The following SGCD variants were observed in gnomAD, a reference collection of about 807,000 sequenced individuals.
The protein encoded by SGCD is sarcoglycan delta, also known as delta-sarcoglycan.
A neutral mutation model predicts 36.6 loss-of-function variants in SGCD; 18 were observed. The observed-to-expected ratio is 0.49, with a 90% confidence interval of 0.34 to 0.73. The LOEUF is 0.73. Among genes scored for constraint, SGCD ranks in the 30% least tolerant of loss-of-function variants. SGCD has a pLI of 0.01. For synonymous variants in SGCD, 133 were observed against 130.6 expected (o/e 1.02, Z -0.12); for missense variants, 387 against 346.7 (o/e 1.12, Z -0.92).
intron 7 of SGCD, among the ~76,000 whole-genome samples, chr5:156,670,562 C>T (rs1309735581): frequency 6.6e-6 from 1 of 152,126 alleles, no homozygotes; most frequent in East Asian, 1.9e-4. Context: ...TGTTTTATTC[C>T]ACTTATAACC....
chr5:156,182,780 T>A (rs1276285921), intron 3 of SGCD, among the ~76,000 whole-genome samples: 1 of 152,178 alleles, frequency 6.6e-6, no homozygotes, highest in Non-Finnish European at 1.5e-5. Flanking sequence ...CTCTTTCTTT[T>A]GATTCTGAGT....
chr5:156,320,433 T>A (rs1767627394), intron 3 of SGCD, among the ~76,000 whole-genome samples: 2 of 152,188 alleles, frequency 1.3e-5, no homozygotes, highest in Admixed American at 1.3e-4. Flanking sequence ...AGCTTACTTA[T>A]AAGAAGCTAT....
chr5:156,640,880 G>A (rs1219700046), intron 6 of SGCD, among the ~76,000 whole-genome samples: 3 of 152,212 alleles, frequency 2.0e-5, no homozygotes, highest in African/African-American at 4.8e-5. Flanking sequence ...GCAGCCTGGG[G>A]AGACACAATG....
At chr5:156,016,676 GT>G (rs1758987196) in intron 1 of SGCD, among the ~76,000 whole-genome samples, 1 of 152,042 alleles carries the variant, frequency 6.6e-6, no homozygotes, top group Non-Finnish European at 1.5e-5. Context: ...AATTTGCCGT[GT>G]TTACTTAAAT....
At chr5:156,405,758 C>T (rs973791679) in intron 3 of SGCD, among the ~76,000 whole-genome samples, 6 of 152,022 alleles carry the variant, frequency 3.9e-5, no homozygotes, top group Admixed American at 6.6e-5. Flanking sequence ...GAGTCCTGTG[C>T]GGTTTAGTTT....
chr5:155,906,238 G>A (rs775314377), intron 1 of SGCD, among the ~76,000 whole-genome samples: 6 of 152,086 alleles, frequency 3.9e-5, no homozygotes, highest in Non-Finnish European at 8.8e-5. Context: ...TGCTCCACCT[G>A]CAGGCCGTTT....
chr5:155,790,195 T>C, the SGCD span, among the ~76,000 whole-genome samples: 1 of 152,038 alleles, frequency 6.6e-6, no homozygotes, highest in Admixed American at 6.6e-5. Context: ...TTACCATAGG[T>C]CTTCTGTTGT....
At chr5:156,007,499 G>T (rs563659607) in intron 1 of SGCD, among the ~76,000 whole-genome samples, 1 of 152,264 alleles carries the variant, frequency 6.6e-6, no homozygotes, top group African/African-American at 2.4e-5. Flanking sequence ...ACAGAGCCTT[G>T]TTATTTGTTT....
chr5:156,680,398 C>T (rs1753675066), intron 7 of SGCD, among the ~76,000 whole-genome samples: 1 of 152,186 alleles, frequency 6.6e-6, no homozygotes, highest in African/African-American at 2.4e-5. Flanking sequence ...TAGAGTCAGA[C>T]AGTCCTTACC....
At chr5:156,357,320 A>T (rs1769543004) in intron 3 of SGCD, among the ~76,000 whole-genome samples, 1 of 152,198 alleles carries the variant, frequency 6.6e-6, no homozygotes, top group Non-Finnish European at 1.5e-5. Context: ...CTTTTTAGCT[A>T]GTGGGTAGCC....
intron 7 of SGCD, among the ~76,000 whole-genome samples, chr5:156,747,826 A>G (rs1374766029): frequency 6.6e-6 from 1 of 152,178 alleles, no homozygotes; most frequent in African/African-American, 2.4e-5. Flanking sequence ...ACCATCTTAG[A>G]TGCTGCCTCA....
At chr5:156,638,611 ATTGT>A (rs575068298) in intron 6 of SGCD, among the ~76,000 whole-genome samples, 6 of 152,186 alleles carry the variant, frequency 3.9e-5, no homozygotes, top group East Asian at 1.9e-4. Context: ...GTGAGTTGAA[ATTGT>A]TTGTTATACT....
At chr5:156,541,842 G>A (rs1419484167) in intron 4 of SGCD, among the ~76,000 whole-genome samples, 2 of 152,082 alleles carry the variant, frequency 1.3e-5, no homozygotes, top group African/African-American at 2.4e-5. Flanking sequence ...TCGTAGCATT[G>A]GCAAATACAG....
chr5:156,076,793 G>C (rs1033036587), intron 1 of SGCD, among the ~76,000 whole-genome samples: 29 of 152,166 alleles, frequency 1.9e-4, no homozygotes, highest in Admixed American at 9.8e-4. Flanking sequence ...AGAGAAAAGA[G>C]GCTGTGTTGT....
intron 1 of SGCD, among the ~76,000 whole-genome samples, chr5:156,074,346 A>T (rs73813228): frequency 6.6e-6 from 1 of 152,142 alleles, no homozygotes. Context: ...TCCAAATGCC[A>T]TAATCCCAAC....
intron 6 of SGCD, among the ~76,000 whole-genome samples, chr5:156,611,240 T>C (rs916029099): frequency 2.6e-5 from 4 of 152,240 alleles, no homozygotes; most frequent in Admixed American, 2.6e-4. Flanking sequence ...CTGTGTTTCA[T>C]GATAGTTGTT....
At chr5:156,618,098 A>C (rs773736306) in intron 6 of SGCD, among the ~76,000 whole-genome samples, 11 of 152,274 alleles carry the variant, frequency 7.2e-5, no homozygotes, top group South Asian at 2.1e-4. Context: ...ACGCAGAAGG[A>C]AGCATGAGAA....
chr5:156,717,149 G>A (rs1254846821), intron 7 of SGCD, among the ~76,000 whole-genome samples: 2 of 152,222 alleles, frequency 1.3e-5, no homozygotes, highest in African/African-American at 2.4e-5. Context: ...TCCTCTTAAA[G>A]TAATGCTAAG....
At chr5:156,419,721 A>C (rs2127776627) in intron 3 of SGCD, among the ~76,000 whole-genome samples, 1 of 152,256 alleles carries the variant, frequency 6.6e-6, no homozygotes, top group South Asian at 2.1e-4. Context: ...GAGAAAATAG[A>C]CTGCCTTAAT....
Sources: gnomAD v4.1 joint callset for allele counts (sites outside exome capture counted in the v4.1 genomes callset) on GRCh38, gnomAD v4.1.1 for gene constraint, MANE v1.5 for transcripts, NCBI Gene and HGNC (gene_info 2026-07-23, HGNC 2026-07-21) for gene names.